The following FAM13C variants were observed in gnomAD, a reference collection of about 807,000 sequenced individuals.
The protein encoded by FAM13C is protein FAM13C.
Under a neutral mutation model 73.2 loss-of-function variants are expected in FAM13C, and 37 were observed. That is an observed-to-expected ratio of 0.51 (90% CI 0.39 to 0.67). FAM13C has a LOEUF of 0.67. Among genes scored for constraint, FAM13C ranks in the 30% least tolerant of loss-of-function variants. The pLI, the probability that FAM13C is intolerant of heterozygous loss-of-function variation, is 0.00. For missense variants in FAM13C, 589 were observed against 715.6 expected (o/e 0.82, Z 2.02); for synonymous variants, 246 against 260.9 (o/e 0.94, Z 0.55).
intron 4 of FAM13C, among the ~76,000 whole-genome samples, chr10:59,314,726 TCC>T (rs1248566610): frequency 6.6e-6 from 1 of 152,128 alleles, no homozygotes; most frequent in Non-Finnish European, 1.5e-5. Context: ...ATTTCCCTTG[TCC>T]CTGCATCTGC....
At position 59,281,572 on chromosome 10, in the gene FAM13C, T is replaced by C. The variant is rs142168431; in HGVS notation, c.592+1791A>G. On this transcript the variant is annotated intron_variant, in intron 6 of 13. Transcript: ENST00000618804. ...TCCAGCATGCAACCCACAAGCCTCC[T>C]CTCTAAAGAGACTTCTGCACATCTC... Among the ~76,000 whole-genome samples the C allele has an allele frequency of 9.5e-3, 1,446 of 152,292 alleles. 5 individuals carry two copies. The highest frequency in any genetic ancestry group is 0.021 in the Admixed American group (319 of 15,290).
intron 2 of FAM13C, among the ~76,000 whole-genome samples, chr10:59,353,504 T>C (rs547713540): frequency 8.5e-5 from 13 of 152,190 alleles, no homozygotes; most frequent in African/African-American, 3.1e-4. Context: ...AAAGCACCCA[T>C]AAAACAGCAT....
intron 3 of FAM13C, among the ~76,000 whole-genome samples, chr10:59,341,509 G>C (rs1853509932): frequency 6.6e-6 from 1 of 152,096 alleles, no homozygotes; most frequent in African/African-American, 2.4e-5. Context: ...CCAACATGGA[G>C]AAACCCCGTC....
At chr10:59,346,831 GT>G (rs1330259070) in intron 3 of FAM13C, among the ~76,000 whole-genome samples, 1 of 152,154 alleles carries the variant, frequency 6.6e-6, no homozygotes, top group Non-Finnish European at 1.5e-5. Context: ...CATATAATCT[GT>G]GCCTTAAATC....
At chr10:59,338,630 A>G (rs181822615) in intron 3 of FAM13C, among the ~76,000 whole-genome samples, 10 of 152,320 alleles carry the variant, frequency 6.6e-5, no homozygotes, top group Admixed American at 6.5e-4. Flanking sequence ...CTTCGATACA[A>G]CTACTAAATC....
In FAM13C at chr10:59,347,884, C is replaced by T. The variant is rs185231876; in HGVS notation, c.324+4386G>A. On this transcript the variant is annotated intron_variant, in intron 3 of 13. Coordinates refer to ENST00000618804, the MANE Select transcript of FAM13C (RefSeq NM_198215.4). ...TCCTTTTATATGGCTGCATAGTATT[C>T]CATGGTGTATATGTGCCACATTTTC... Among the ~76,000 whole-genome samples the T allele has an allele frequency of 5.3e-5, 8 of 152,252 alleles. No homozygotes were observed. The East Asian group carries it at 1.5e-3, about 29-fold the overall frequency.
intron 4 of FAM13C, among the ~76,000 whole-genome samples, chr10:59,321,140 G>C (rs1434922382): frequency 2.0e-5 from 3 of 152,120 alleles, no homozygotes; most frequent in Non-Finnish European, 2.9e-5. Context: ...CTTACCTTAT[G>C]TGACAAAAAG....
intron 1 of FAM13C, among the ~76,000 whole-genome samples, chr10:59,359,628 G>T (rs1001455694): frequency 8.5e-5 from 13 of 152,214 alleles, no homozygotes; most frequent in African/African-American, 2.4e-5. Flanking sequence ...TGAGGGCAGA[G>T]CCCAGGAATG....
chr10:59,322,682 T>C (rs1241506620), intron 4 of FAM13C, among the ~76,000 whole-genome samples: 2 of 152,224 alleles, frequency 1.3e-5, no homozygotes, highest in African/African-American at 4.8e-5. Context: ...TTTTATTTGT[T>C]TTGTTTTGCT....
Position 59,252,876 on chromosome 10 carries a change from A to G in FAM13C, c.1455T>C (p.Val485=). ...TCTTTTCATCTGGTAAAAGGGCCCT[A>G]ACAGGCTCAGTCTCATTAGAGTAGG... is the stretch of plus-strand genomic sequence containing the variant. ...HLTYSNETEP[V]RALLPDEKKE... Residue 485 remains valine, a synonymous_variant, in exon 12 of 14, where the codon GTT becomes GTC. Transcript: ENST00000618804. 1 of 1,614,146 alleles carries G rather than the reference A, an allele frequency of 6.2e-7. No individual in the cohort carries two copies. The highest frequency in any genetic ancestry group is 8.5e-7 in the Non-Finnish European group (1 of 1,180,000).
chr10:59,348,627 C>A (rs750573787), intron 3 of FAM13C, among the ~76,000 whole-genome samples: 12 of 152,114 alleles, frequency 7.9e-5, no homozygotes, highest in Non-Finnish European at 1.5e-5. Flanking sequence ...ATGACCTACT[C>A]CAGACTTCAT....
At chr10:59,279,183 C>T (rs73298157) in intron 6 of FAM13C, among the ~76,000 whole-genome samples, 3,527 of 152,182 alleles carry the variant, frequency 0.023, 153 homozygotes, top group African/African-American at 0.08. Flanking sequence ...GATTCTTAGG[C>T]CTCATCTTTA....
chr10:59,355,849 T>A (rs746382698), intron 2 of FAM13C, 38 bp downstream of exon 2: 2 of 1,600,410 alleles, frequency 1.2e-6, no homozygotes, highest in Non-Finnish European at 1.7e-6. Flanking sequence ...ATGGCTTCTG[T>A]CTCTCACAAA....
At chr10:59,338,296 T>C (rs759876470) in intron 3 of FAM13C, among the ~76,000 whole-genome samples, 1 of 152,090 alleles carries the variant, frequency 6.6e-6, no homozygotes, top group Non-Finnish European at 1.5e-5. Context: ...CCAGGACAGA[T>C]AACATGCCTG....
At chr10:59,264,498 T>G (rs1842826540) in intron 8 of FAM13C, among the ~76,000 whole-genome samples, 1 of 152,178 alleles carries the variant, frequency 6.6e-6, no homozygotes. Flanking sequence ...TCAATCACCT[T>G]GCAGGTCACC....
intron 4 of FAM13C, among the ~76,000 whole-genome samples, chr10:59,322,328 T>C (rs541345790): frequency 6.6e-6 from 1 of 152,322 alleles, no homozygotes; most frequent in Admixed American, 6.5e-5. Context: ...ACTCCTGATA[T>C]GTGACTTATC....
chr10:59,308,566 C>CCACCACCAGCACCACCCACCAGCAT (rs1848537772), intron 4 of FAM13C, among the ~76,000 whole-genome samples: 1 of 112,594 alleles, frequency 8.9e-6, no homozygotes, highest in East Asian at 2.8e-4. Flanking sequence ...GCACCACCAA[C>CCACCACCAGCACCACCCACCAGCAT]CACCATCACC....
chr10:59,253,744 C>G (rs1051665917), intron 11 of FAM13C: 1 of 152,050 alleles, frequency 6.6e-6, no homozygotes, highest in Non-Finnish European at 1.5e-5. Context: ...AATATTTATT[C>G]CTTTTTATAT....
intron 3 of FAM13C, among the ~76,000 whole-genome samples, chr10:59,326,265 T>C (rs1000309079): frequency 7.9e-5 from 12 of 152,168 alleles, no homozygotes; most frequent in African/African-American, 2.7e-4. Flanking sequence ...AAGGAGTATT[T>C]GGACACAGCT....
Sources: gnomAD v4.1 joint callset for allele counts (sites outside exome capture counted in the v4.1 genomes callset) on GRCh38, gnomAD v4.1.1 for gene constraint, MANE v1.5 for transcripts, NCBI Gene and HGNC (gene_info 2026-07-23, HGNC 2026-07-21) for gene names.